Variants in NAALADL2 observed in about 807,000 individuals in gnomAD.
The protein encoded by NAALADL2 is inactive N-acetylated-alpha-linked acidic dipeptidase-like protein 2.
In NAALADL2, 76 loss-of-function variants were observed where a neutral mutation model predicts 87.2. The observed-to-expected ratio is 0.87, with a 90% CI of 0.72 to 1.05. The LOEUF is 1.05. Among genes scored for constraint, NAALADL2 ranks in the 50% least tolerant of loss-of-function variants. The pLI is 0.00. For synonymous variants in NAALADL2, 354 were observed against 331.0 expected, an observed-to-expected ratio of 1.07 and a Z score of -0.75; for missense variants, 1,089 against 945.8, an observed-to-expected ratio of 1.15 and a Z score of -1.99.
chr3:175,620,969 G>T (rs953111515), intron 10 of NAALADL2, among the ~76,000 whole-genome samples: 1 of 152,116 alleles, frequency 6.6e-6, no homozygotes, highest in Non-Finnish European at 1.5e-5. Context: ...GGCTGTCTAG[G>T]GTTTTTATAG....
At chr3:175,288,640 C>T (rs1755273118) in intron 4 of NAALADL2, among the ~76,000 whole-genome samples, 1 of 151,236 alleles carries the variant, frequency 6.6e-6, no homozygotes, top group Non-Finnish European at 1.5e-5. Context: ...GGTTTCTCAG[C>T]CAACATACCT....
chr3:174,725,553 T>C (rs902383497), intron 2 of NAALADL2, among the ~76,000 whole-genome samples: 1 of 152,218 alleles, frequency 6.6e-6, no homozygotes, highest in African/African-American at 2.4e-5. Flanking sequence ...TAATTTCTCC[T>C]GTAAGATGTC....
At chr3:174,905,475 A>C (rs1732854724) in intron 1 of NAALADL2, among the ~76,000 whole-genome samples, 1 of 152,048 alleles carries the variant, frequency 6.6e-6, no homozygotes, top group South Asian at 2.1e-4. Context: ...AGTTTGGTAA[A>C]ATGGCAGCAT....
chr3:174,442,827 G>A (rs1394559546), intron 1 of NAALADL2, among the ~76,000 whole-genome samples: 1 of 152,106 alleles, frequency 6.6e-6, no homozygotes, highest in African/African-American at 2.4e-5. Flanking sequence ...TTTAAAATAG[G>A]ATTTTACCGG....
At chr3:174,979,304 C>CTTTTTTTTTT (rs5854604) in intron 1 of NAALADL2, among the ~76,000 whole-genome samples, 273 of 105,176 alleles carry the variant, frequency 2.6e-3, no homozygotes, top group Non-Finnish European at 3.6e-3. Flanking sequence ...TCTTTCTTTT[C>CTTTTTTTTTT]TTTTTTTTTT....
At chr3:175,504,527 G>GA (rs2149377124) in intron 9 of NAALADL2, among the ~76,000 whole-genome samples, 1 of 151,374 alleles carries the variant, frequency 6.6e-6, no homozygotes, top group South Asian at 2.1e-4. Context: ...TACGAGAAAA[G>GA]AAAGTTTTCT....
At chr3:175,323,507 C>G (rs1215639129) in intron 4 of NAALADL2, among the ~76,000 whole-genome samples, 1 of 151,636 alleles carries the variant, frequency 6.6e-6, no homozygotes, top group East Asian at 1.9e-4. Flanking sequence ...AAAAAAGAAC[C>G]TTATGTATGG....
chr3:175,194,614 CT>C (rs1553807521), intron 2 of NAALADL2, among the ~76,000 whole-genome samples: 6 of 151,792 alleles, frequency 4.0e-5, no homozygotes, highest in Non-Finnish European at 1.5e-5. Flanking sequence ...ATTGGGTCAA[CT>C]TTTATAGAGG....
intron 4 of NAALADL2, among the ~76,000 whole-genome samples, chr3:175,267,773 TC>T (rs1348385660): frequency 6.6e-6 from 1 of 152,154 alleles, no homozygotes; most frequent in East Asian, 1.9e-4. Context: ...AAAATGAATT[TC>T]CAACCTCACA....
Position 174,997,833 on chromosome 3 carries a change from AAACAACAACAACAAC to A in NAALADL2, c.44-98937_44-98923del, listed in dbSNP as rs60367540. ...CTCTGTCTCAAAAAAACCAAAAAGC[AAACAACAACAACAAC>A]AACAACAACAACAACAACAGAAAGA... On this transcript the variant is annotated intron_variant, in intron 1 of 13. Transcript: ENST00000454872. 1.1e-4 allele frequency among the ~76,000 whole-genome samples: 15 copies of A among 142,048 alleles called. No homozygotes were observed. The South Asian group carries it at 1.9e-3, about 18-fold the overall frequency. 93.2% of individuals were successfully genotyped at this position (142,048 alleles called of 152,430 possible).
intron 2 of NAALADL2, among the ~76,000 whole-genome samples, chr3:174,683,420 C>T (rs1727737145): frequency 6.6e-6 from 1 of 152,026 alleles, no homozygotes; most frequent in African/African-American, 2.4e-5. Context: ...AACATAACCA[C>T]TTTTTTGTAG....
chr3:174,788,245 G>A (rs1578933762), intron 3 of NAALADL2, among the ~76,000 whole-genome samples: 1 of 152,216 alleles, frequency 6.6e-6, no homozygotes, highest in Non-Finnish European at 1.5e-5. Flanking sequence ...GAATCACTTA[G>A]ATCCAGCAAA....
chr3:175,414,873 G>C (rs1039388668), intron 5 of NAALADL2, among the ~76,000 whole-genome samples: 2 of 152,086 alleles, frequency 1.3e-5, no homozygotes, highest in Non-Finnish European at 2.9e-5. Flanking sequence ...AAGACAAAAA[G>C]ATATGAGAAG....
intron 10 of NAALADL2, among the ~76,000 whole-genome samples, chr3:175,591,363 G>T (rs1332033972): frequency 6.6e-6 from 1 of 152,036 alleles, no homozygotes; most frequent in Non-Finnish European, 1.5e-5. Context: ...AAAAGCATTT[G>T]TTCAACTAGT....
chr3:174,780,151 C>A (rs188166432), intron 3 of NAALADL2, among the ~76,000 whole-genome samples: 1 of 152,202 alleles, frequency 6.6e-6, no homozygotes, highest in Admixed American at 6.5e-5. Flanking sequence ...TTTCCTTGAG[C>A]AGTGGTTTGT....
intron 1 of NAALADL2, among the ~76,000 whole-genome samples, chr3:174,964,409 T>G (rs1742577847): frequency 6.6e-6 from 1 of 152,014 alleles, no homozygotes; most frequent in Non-Finnish European, 1.5e-5. Flanking sequence ...GGACAGAAGA[T>G]AAAGATTTAG....
intron 2 of NAALADL2, among the ~76,000 whole-genome samples, chr3:174,691,559 T>C (rs1728583196): frequency 6.6e-6 from 1 of 152,206 alleles, no homozygotes; most frequent in African/African-American, 2.4e-5. Context: ...AGAGTCATAG[T>C]TGCTGAAGGC....
intron 3 of NAALADL2, among the ~76,000 whole-genome samples, chr3:174,854,218 T>C (rs765204437): frequency 2.6e-5 from 4 of 152,148 alleles, no homozygotes; most frequent in Non-Finnish European, 5.9e-5. Flanking sequence ...AATGAAATAA[T>C]ATCTTTTGCA....
chr3:174,727,031 T>C (rs1401893788), intron 2 of NAALADL2, among the ~76,000 whole-genome samples: 2 of 152,164 alleles, frequency 1.3e-5, no homozygotes, highest in Non-Finnish European at 2.9e-5. Context: ...TTGCCTTAGA[T>C]TCTAGGGATG....
Sources: allele counts gnomAD v4.1 joint callset (sites outside exome capture counted in the v4.1 genomes callset), GRCh38; gene constraint gnomAD v4.1.1; transcripts MANE v1.5; gene names NCBI Gene and HGNC (gene_info 2026-07-23, HGNC 2026-07-21).